CCDC66: variants seen among roughly 807,000 people sequenced by gnomAD.
The protein encoded by CCDC66 is coiled-coil domain-containing protein 66.
CCDC66 carries 133 observed loss-of-function variants against 128.3 expected under a neutral mutation model. That is an observed-to-expected ratio of 1.04 (90% CI 0.90 to 1.20). The LOEUF (loss-of-function observed/expected upper bound fraction) is 1.20. Ranked by LOEUF, CCDC66 falls within the 50% of genes most tolerant of loss-of-function variation. CCDC66 has a pLI of 0.00. For missense variants in CCDC66, 1,126 were observed against 1,075.5 expected, an observed-to-expected ratio of 1.05 and a Z score of -0.66; for synonymous variants, 387 against 357.0, an observed-to-expected ratio of 1.08 and a Z score of -0.95.
intron 4 of CCDC66, among the ~76,000 whole-genome samples, chr3:56,564,468 G>T (rs1241482993): frequency 1.3e-5 from 2 of 152,072 alleles, no homozygotes; most frequent in Non-Finnish European, 1.5e-5. Flanking sequence ...AACAAATTAC[G>T]GTATTTCCAG....
At chr3:56,586,003 C>G (rs573441114) in intron 7 of CCDC66, among the ~76,000 whole-genome samples, 112 of 151,900 alleles carry the variant, frequency 7.4e-4, no homozygotes, top group Non-Finnish European at 1.4e-3. Context: ...TAAAGAAAGA[C>G]TTTAAAAGAC....
intron 13 of CCDC66, 136 bp downstream of exon 13, chr3:56,616,189 A>G (rs1028828142): frequency 1.3e-5 from 9 of 719,314 alleles, no homozygotes; most frequent in African/African-American, 3.7e-5. Context: ...AAATAAAGGG[A>G]TAACAGCTTT....
In CCDC66 at chr3:56,571,407, G is replaced by A. The variant is rs971103128; in HGVS notation, c.936+105G>A. 6.8e-5 allele frequency: 51 copies of A among 753,206 alleles called. No individual in the cohort carries two copies. In the African/African-American group the frequency reaches 9.8e-4, roughly 15 times the overall value. The allele number at this position is 753,206 out of a possible 1,614,324, so 46.7% of individuals were successfully genotyped here. A position where few individuals can be genotyped will look rare whatever the true frequency, so the allele number is the denominator to read the frequency against. On this transcript the variant is annotated intron_variant, in intron 7 of 17. Coordinates refer to ENST00000394672, the MANE Select transcript of CCDC66 (RefSeq NM_001141947.3). ...AAAAAAGTTTTTTTTTTGAGACGGA[G>A]TTTCTCTCTTGTTGCCCAGGCTGGA... is the stretch of plus-strand genomic sequence containing the variant.
chr3:56,560,093 A>G (rs17235684), intron 3 of CCDC66, among the ~76,000 whole-genome samples: 7,681 of 152,302 alleles, frequency 0.05, 277 homozygotes, highest in South Asian at 0.16. Context: ...CAAAGGGGAA[A>G]TTTAATTCAC....
chr3:56,592,971 A>T lies in CCDC66; in HGVS notation c.938A>T (p.Glu313Val). The T allele has an allele frequency of 1.2e-6, 2 of 1,606,132 alleles. No homozygotes were observed. The highest frequency in any genetic ancestry group is 1.7e-6 in the Non-Finnish European group (2 of 1,178,028). The stretch of plus-strand genomic sequence containing the variant: ...ATGGCTTTTATGGCTGTTGTTTAGG[A>T]AACAGTACTGCTGGAGCACCCTTTC... Reference protein sequence around the residue: ...EKHQILDQSRETVLLEHPFSA... With the variant: ...EKHQILDQSRVTVLLEHPFSA... Residue 313 changes from glutamate to valine, a missense_variant and splice_region_variant, in exon 8 of 18, where the codon GAA (glutamate) becomes GTA (valine). Coordinates refer to ENST00000394672, the MANE Select transcript of CCDC66 (RefSeq NM_001141947.3).
rs577739236 is a variant in CCDC66 at position 56,557,214 on chromosome 3, G to T, written c.-29G>T. ...ACCGACGTACACAAGGGGCTTGAGC[G>T]TTCTGTGGAGAGAGTGCGAGGTCAG... On this transcript the variant is annotated 5_prime_UTR_variant, in exon 1 of 18. Coordinates refer to ENST00000394672, the MANE Select transcript of CCDC66 (RefSeq NM_001141947.3). The T allele has an allele frequency of 1.9e-6, 3 of 1,551,264 alleles. No homozygotes were observed. The African/African-American group carries it at 4.1e-5, about 21-fold the overall frequency.
chr3:56,609,456 G>A (rs1400776398), intron 10 of CCDC66, among the ~76,000 whole-genome samples: 3 of 151,836 alleles, frequency 2.0e-5, no homozygotes, highest in Admixed American at 6.6e-5. Flanking sequence ...GTGTTTTTCC[G>A]CTCACATAAA....
intron 10 of CCDC66, among the ~76,000 whole-genome samples, chr3:56,607,959 A>G (rs1030106843): frequency 2.0e-5 from 3 of 152,206 alleles, no homozygotes; most frequent in Admixed American, 6.5e-5. Flanking sequence ...ATGTTAAACC[A>G]TCCCTGCATC....
At chr3:56,571,096 A>G (rs1419701459) in intron 6 of CCDC66, 85 bp from the exon 7 acceptor site, 12 of 956,742 alleles carry the variant, frequency 1.3e-5, no homozygotes, top group East Asian at 8.3e-5. Context: ...CTGTGTTGGT[A>G]TCTGCATTAA....
chr3:56,597,180 G>A (rs2107029570), intron 10 of CCDC66, among the ~76,000 whole-genome samples: 1 of 152,044 alleles, frequency 6.6e-6, no homozygotes, highest in East Asian at 1.9e-4. Flanking sequence ...CTATGTTCTT[G>A]ACACTTTTGT....
At chr3:56,592,595 G>T (rs1577668295) in intron 7 of CCDC66, among the ~76,000 whole-genome samples, 1 of 151,802 alleles carries the variant, frequency 6.6e-6, no homozygotes, top group South Asian at 2.1e-4. Flanking sequence ...GAACTCCTGG[G>T]CTCAAGTGAT....
chr3:56,560,857 T>C (rs1214052320), intron 3 of CCDC66: 1 of 456,332 alleles, frequency 2.2e-6, no homozygotes, highest in Non-Finnish European at 4.4e-6. Flanking sequence ...CTTTTATCTT[T>C]GCAGTGTCTT....
intron 10 of CCDC66, among the ~76,000 whole-genome samples, chr3:56,597,792 T>TTTTTTTTTTTTTTTTTTTTG (rs2072348913): frequency 7.0e-6 from 1 of 143,256 alleles, no homozygotes. Context: ...TTTTTTTTTT[T>TTTTTTTTTTTTTTTTTTTTG]GAGACAGAGC....
intron 7 of CCDC66, among the ~76,000 whole-genome samples, chr3:56,587,243 T>C (rs1421179712): frequency 2.0e-5 from 3 of 151,954 alleles, no homozygotes; most frequent in Non-Finnish European, 4.4e-5. Flanking sequence ...TTTATTAGGC[T>C]ATAAAAGTCT....
intron 10 of CCDC66, among the ~76,000 whole-genome samples, chr3:56,604,591 G>GTT (rs2073783089): frequency 6.6e-6 from 1 of 150,836 alleles, no homozygotes; most frequent in Non-Finnish European, 1.5e-5. Flanking sequence ...TTTTTTTTAA[G>GTT]AATGTTGAAT....
intron 6 of CCDC66, chr3:56,569,369 A>G (rs1464998391): frequency 1.5e-5 from 5 of 338,418 alleles, no homozygotes; most frequent in Non-Finnish European, 6.2e-6. Flanking sequence ...GTGAGGCCTC[A>G]GGAAGCTTTT....
At chr3:56,609,357 T>A (rs1000735362) in intron 10 of CCDC66, among the ~76,000 whole-genome samples, 1 of 152,222 alleles carries the variant, frequency 6.6e-6, no homozygotes, top group Non-Finnish European at 1.5e-5. Context: ...TCCCTCTTTG[T>A]CTCTTTTAAC....
At position 56,619,959 on chromosome 3, in the gene CCDC66, G is replaced by T. The variant is rs2076150666; in HGVS notation, c.2760+58G>T. On this transcript the variant is annotated intron_variant, in intron 17 of 17. Coordinates refer to ENST00000394672, the MANE Select transcript of CCDC66 (RefSeq NM_001141947.3). ...TCTTTATGTGGCGTGGGCGGTTGGG[G>T]GAACCTGTTGAACGGTTTGTTTTAA... is the stretch of plus-strand genomic sequence containing the variant. 43 of 1,562,892 alleles carry T rather than the reference G, an allele frequency of 2.8e-5. No homozygotes were observed. In the South Asian group the frequency reaches 3.7e-4, roughly 13 times the overall value.
At chr3:56,563,634 G>GTGATTT (rs2065422017) in intron 3 of CCDC66, 50 bp from the exon 4 acceptor site, 14 of 1,376,046 alleles carry the variant, frequency 1.0e-5, no homozygotes, top group Non-Finnish European at 1.4e-5. Flanking sequence ...AAGATAATTG[G>GTGATTT]TGATTTTTCT....
Sources: allele counts gnomAD v4.1 joint callset (sites outside exome capture counted in the v4.1 genomes callset), GRCh38; gene constraint gnomAD v4.1.1; transcripts MANE v1.5; gene names NCBI Gene and HGNC (gene_info 2026-07-23, HGNC 2026-07-21).